Variants in ZNF618 observed in about 807,000 individuals in gnomAD.
ZNF618 encodes the protein zinc finger protein 618.
In ZNF618, 34 loss-of-function variants were observed where a neutral mutation model predicts 103.0. That is an observed-to-expected ratio of 0.33 (90% CI 0.25 to 0.44). The LOEUF (loss-of-function observed/expected upper bound fraction) is 0.44, where lower values mean the gene tolerates loss of function less well. Ranked by LOEUF, ZNF618 falls within the 20% of genes least tolerant of loss-of-function variation. The probability of loss-of-function intolerance (pLI) is 1.00; values close to 1 mark genes in which losing one functional copy is unlikely to be tolerated. For synonymous variants in ZNF618, 551 were observed against 542.2 expected (o/e 1.02, Z -0.23); for missense variants, 1,059 against 1,295.4 (o/e 0.82, Z 2.80).
At chr9:113,949,322 C>G (rs921302035) in intron 1 of ZNF618, among the ~76,000 whole-genome samples, 3 of 152,222 alleles carry the variant, frequency 2.0e-5, no homozygotes, top group Non-Finnish European at 4.4e-5. Context: ...TCCTGTAATT[C>G]AAGGGGTCGG....
At position 114,003,127 on chromosome 9, in the gene ZNF618, C is replaced by T. The variant is rs150554843; in HGVS notation, c.550+465C>T. ...CTGCTTTGGAGAGTTTTCTCCTGAG[C>T]CCCCACAGCCAGGGGCACTAATTGC... On this transcript the variant is annotated intron_variant, in intron 6 of 14. Transcript: ENST00000374126. Among the ~76,000 whole-genome samples, 525 of 152,318 alleles carry T rather than the reference C, an allele frequency of 3.4e-3. 3 individuals carry two copies. The highest frequency in any genetic ancestry group is 6.4e-3 in the Non-Finnish European group (435 of 68,028).
chr9:114,010,085 G>A (rs560666299), intron 9 of ZNF618, among the ~76,000 whole-genome samples: 42 of 152,234 alleles, frequency 2.8e-4, no homozygotes, highest in Middle Eastern at 3.4e-3. Context: ...CAAGATGGGC[G>A]GATCACCTGA....
intron 10 of ZNF618, among the ~76,000 whole-genome samples, chr9:114,025,903 C>T (rs1301433452): frequency 1.3e-5 from 2 of 152,212 alleles, no homozygotes; most frequent in East Asian, 3.8e-4. Flanking sequence ...CACTGTGTTT[C>T]AGGGAACGTG....
intron 3 of ZNF618, among the ~76,000 whole-genome samples, chr9:113,992,805 C>T (rs1840201592): frequency 6.6e-6 from 1 of 152,178 alleles, no homozygotes; most frequent in African/African-American, 2.4e-5. Flanking sequence ...ACACAGATGG[C>T]ATTTGGCAGC....
intron 13 of ZNF618, among the ~76,000 whole-genome samples, chr9:114,043,968 A>T (rs1038500488): frequency 2.0e-5 from 3 of 152,170 alleles, no homozygotes; most frequent in African/African-American, 7.2e-5. Context: ...TCAGATGCAT[A>T]GTTTGCAAAG....
At chr9:113,960,745 G>A (rs814692) in intron 1 of ZNF618, among the ~76,000 whole-genome samples, 9,168 of 152,262 alleles carry the variant, frequency 0.06, 373 homozygotes, top group African/African-American at 0.12. Context: ...TTTGGGGACG[G>A]TCTTCACATT....
chr9:113,984,331 T>C (rs1335528906), intron 2 of ZNF618, among the ~76,000 whole-genome samples: 1 of 152,188 alleles, frequency 6.6e-6, no homozygotes, highest in Non-Finnish European at 1.5e-5. Context: ...GAGGATGTCA[T>C]CATGAACCAA....
intron 1 of ZNF618, among the ~76,000 whole-genome samples, chr9:113,912,817 T>C (rs1588020947): frequency 6.6e-6 from 1 of 152,070 alleles, no homozygotes; most frequent in Non-Finnish European, 1.5e-5. Flanking sequence ...TTGGCCTCAT[T>C]TTCCCCATCT....
Position 114,050,444 on chromosome 9 carries a change from A to G in ZNF618, c.*277A>G, listed in dbSNP as rs183373740. ...GGCCAGAGAAACTTTGCACACACGC[A>G]CACACACACACACACACACACACAC... On this transcript the variant is annotated 3_prime_UTR_variant, in exon 15 of 15. Coordinates refer to ENST00000374126, the MANE Select transcript of ZNF618 (RefSeq NM_001318042.2). 9.9e-3 allele frequency: 1,137 copies of G among 114,922 alleles called. 9 individuals carry two copies. The highest frequency in any genetic ancestry group is 0.04 in the South Asian group (242 of 5,996). 7.1% of individuals were successfully genotyped at this position (114,922 alleles called of 1,614,324 possible). A position where few individuals can be genotyped will look rare whatever the true frequency, so the allele number is the denominator to read the frequency against.
chr9:114,029,361 T>G (rs1268234630), intron 11 of ZNF618, among the ~76,000 whole-genome samples: 1 of 152,212 alleles, frequency 6.6e-6, no homozygotes, highest in Non-Finnish European at 1.5e-5. Context: ...GATTTCTACC[T>G]GACATTGAAA....
At position 113,969,133 on chromosome 9, in the gene ZNF618, C is replaced by T. The variant is rs1283242717; in HGVS notation, c.50C>T (p.Ala17Val). 3.1e-6 allele frequency: 5 copies of T among 1,613,958 alleles called. No homozygotes were observed. The highest frequency in any genetic ancestry group is 2.2e-5 in the South Asian group (2 of 91,074). Residue 17 changes from alanine to valine, a missense_variant, in exon 2 of 15, where the codon GCA becomes GTA. By Grantham distance (64) the Ala-to-Val change is moderately conservative. This residue lies in a region of ZNF618 where 194 missense variants were observed against 209.0 expected (regional missense o/e 0.93). Coordinates refer to ENST00000374126, the MANE Select transcript of ZNF618 (RefSeq NM_001318042.2). ...AAAPQADGAS[A>V]AGRKSTASRE... ...CTTTTGCAGGCTGACGGAGCCAGTG[C>T]AGCCGGAAGGAAAAGCACTGCGAGC...
chr9:113,894,017 A>C (rs977776675), intron 1 of ZNF618, among the ~76,000 whole-genome samples: 2 of 152,160 alleles, frequency 1.3e-5, no homozygotes, highest in African/African-American at 2.4e-5. Context: ...CTATGTATGC[A>C]AAAAAAGAGT....
At chr9:113,994,745 T>G (rs1347808336) in intron 3 of ZNF618, among the ~76,000 whole-genome samples, 1 of 152,222 alleles carries the variant, frequency 6.6e-6, no homozygotes, top group African/African-American at 2.4e-5. Context: ...TTGATGCCTC[T>G]GGGGTTACCT....
chr9:113,933,058 G>T (rs1022989623), intron 1 of ZNF618, among the ~76,000 whole-genome samples: 1 of 152,150 alleles, frequency 6.6e-6, no homozygotes, highest in Non-Finnish European at 1.5e-5. Context: ...TCAAAGCCAG[G>T]AAGAAAGGAG....
intron 10 of ZNF618, among the ~76,000 whole-genome samples, chr9:114,018,169 A>C (rs1454861327): frequency 6.6e-6 from 1 of 152,208 alleles, no homozygotes; most frequent in East Asian, 1.9e-4. Flanking sequence ...TGGGCTATAT[A>C]GGTCATTCAG....
chr9:113,903,310 C>T (rs1281574239), intron 1 of ZNF618, among the ~76,000 whole-genome samples: 6 of 152,170 alleles, frequency 3.9e-5, no homozygotes, highest in Admixed American at 1.3e-4. Flanking sequence ...GCCCCATTTC[C>T]AGTGTGTAAG....
At chr9:113,878,943 A>G (rs1445602702) in intron 1 of ZNF618, among the ~76,000 whole-genome samples, 1 of 151,478 alleles carries the variant, frequency 6.6e-6, no homozygotes, top group Non-Finnish European at 1.5e-5. Flanking sequence ...GGGAGATTTT[A>G]TTTTTTTAGT....
intron 1 of ZNF618, among the ~76,000 whole-genome samples, chr9:113,931,370 C>T (rs949171803): frequency 7.9e-5 from 12 of 152,084 alleles, no homozygotes; most frequent in Non-Finnish European, 1.5e-4. Context: ...AGGACAGGAG[C>T]CTTTGAGGCA....
chr9:113,936,694 G>A (rs937674141), intron 1 of ZNF618, among the ~76,000 whole-genome samples: 2 of 152,196 alleles, frequency 1.3e-5, no homozygotes, highest in African/African-American at 4.8e-5. Flanking sequence ...AATAGAACCC[G>A]GCAATAATAC....
Sources: allele counts gnomAD v4.1 joint callset (sites outside exome capture counted in the v4.1 genomes callset), GRCh38; gene constraint gnomAD v4.1.1; regional missense constraint gnomAD v4.1.1; transcripts MANE v1.5; gene names NCBI Gene and HGNC (gene_info 2026-07-23, HGNC 2026-07-21).